RYR1: variants seen among roughly 807,000 people sequenced by gnomAD.
RYR1 encodes the protein ryanodine receptor 1.
A neutral mutation model predicts 583.5 loss-of-function variants in RYR1; 342 were observed. The ratio of observed to expected loss-of-function variants is 0.59; its 90% CI spans 0.54 to 0.64. The LOEUF is 0.64. RYR1 is among the 30% of genes least tolerant of loss of function. The pLI, the probability that RYR1 is intolerant of heterozygous loss-of-function variation, is 0.00. For missense variants in RYR1, 6,032 were observed against 6,917.2 expected (o/e 0.87, Z 4.54); for synonymous variants, 2,791 against 2,822.5 (o/e 0.99, Z 0.35).
At chr19:38,535,432 G>T (rs1373346146) in intron 81 of RYR1, 40 bp downstream of exon 81, 1 of 1,470,958 alleles carries the variant, frequency 6.8e-7, no homozygotes, top group East Asian at 2.3e-5. Flanking sequence ...GCTGTGTTTG[G>T]TGCCACTGCC....
chr19:38,563,517 G>A (rs4802608), intron 90 of RYR1, among the ~76,000 whole-genome samples: 3,016 of 152,250 alleles, frequency 0.02, 81 homozygotes, highest in Admixed American at 0.072. Context: ...CGCCCGCCTC[G>A]GCCTCCCAAA....
chr19:38,456,851 C>A (rs1482848167), intron 16 of RYR1, among the ~76,000 whole-genome samples: 1 of 151,118 alleles, frequency 6.6e-6, no homozygotes, highest in Non-Finnish European at 1.5e-5. Context: ...TCGAGACCAT[C>A]CTGGCTAATG....
chr19:38,558,853 G>A (rs1972996150), intron 89 of RYR1, among the ~76,000 whole-genome samples: 1 of 151,806 alleles, frequency 6.6e-6, no homozygotes, highest in South Asian at 2.1e-4. Flanking sequence ...CACTTTGGGA[G>A]GCCCAGGCAG....
chr19:38,555,716 T>G (rs1273075639), intron 89 of RYR1, among the ~76,000 whole-genome samples: 4 of 152,176 alleles, frequency 2.6e-5, no homozygotes, highest in Admixed American at 6.6e-5. Context: ...CCCATTGCAA[T>G]TGGCTGATAC....
chr19:38,434,505 C>A (rs999119923), intron 1 of RYR1, among the ~76,000 whole-genome samples: 1 of 152,156 alleles, frequency 6.6e-6, no homozygotes, highest in African/African-American at 2.4e-5. Flanking sequence ...ATGTCTCTGT[C>A]TCTTCCTCCA....
intron 1 of RYR1, among the ~76,000 whole-genome samples, chr19:38,440,544 T>TA (rs931138249): frequency 5.3e-5 from 8 of 151,994 alleles, no homozygotes; most frequent in Non-Finnish European, 1.2e-4. Context: ...AATAAATAAA[T>TA]AATAAAAAAT....
At chr19:38,445,146 C>G (rs1006080885) in intron 7 of RYR1, among the ~76,000 whole-genome samples, 47 of 139,068 alleles carry the variant, frequency 3.4e-4, no homozygotes, top group African/African-American at 1.2e-3. Flanking sequence ...ATCCCACCTA[C>G]TCAGGAGGGT....
intron 60 of RYR1, 144 bp downstream of exon 60, chr19:38,510,925 T>C (rs1970698356): frequency 7.9e-7 from 1 of 1,258,188 alleles, no homozygotes; most frequent in Admixed American, 2.0e-5. Context: ...GCCATCCTAG[T>C]GTACCCGGGA....
At chr19:38,463,129 C>T (rs1355234756) in intron 20 of RYR1, among the ~76,000 whole-genome samples, 2 of 116,930 alleles carry the variant, frequency 1.7e-5, no homozygotes, top group Non-Finnish European at 3.6e-5. Context: ...AACTCCTGAC[C>T]TCAGGCGATC....
At chr19:38,535,900 C>A in intron 81 of RYR1, 97 bp from the exon 82 acceptor site, 1 of 1,057,854 alleles carries the variant, frequency 9.5e-7, no homozygotes, top group Non-Finnish European at 1.4e-6. Context: ...TTTACTGTGG[C>A]TCTCCAGGCT....
intron 58 of RYR1, 85 bp downstream of exon 58, chr19:38,507,912 T>G (rs1970551575): frequency 1.2e-6 from 1 of 811,130 alleles, no homozygotes; most frequent in Non-Finnish European, 2.2e-6. Flanking sequence ...CACCTGTTCA[T>G]GCACTCAATC....
chr19:38,537,086 A>G, intron 83 of RYR1: 1 of 486,702 alleles, frequency 2.1e-6, no homozygotes, highest in East Asian at 3.7e-5. Context: ...GGACTTCCAG[A>G]CCCAGATTCG....
chr19:38,505,262 T>TC, intron 52 of RYR1, 47 bp from the exon 53 acceptor site: 5 of 1,399,958 alleles, frequency 3.6e-6, no homozygotes, highest in Non-Finnish European at 5.0e-6. Context: ...GCCCCGTGTG[T>TC]CCCCAACTGC....
chr19:38,539,848 A>T (rs1047176362), intron 84 of RYR1, among the ~76,000 whole-genome samples: 2 of 151,948 alleles, frequency 1.3e-5, no homozygotes, highest in Non-Finnish European at 2.9e-5. Context: ...AGTTGCCAGA[A>T]TTTTTTTTAC....
At chr19:38,522,947 C>T (rs1568534491) in intron 67 of RYR1, 81 bp from the exon 68 acceptor site, 11 of 1,120,582 alleles carry the variant, frequency 9.8e-6, no homozygotes, top group South Asian at 8.0e-5. Context: ...GTCCCCATCT[C>T]CTCCTCCAAG....
chr19:38,562,855 T>C (rs1317331583), intron 90 of RYR1, among the ~76,000 whole-genome samples: 1 of 152,100 alleles, frequency 6.6e-6, no homozygotes, highest in Non-Finnish European at 1.5e-5. Flanking sequence ...TCCTGATCCC[T>C]CCCTGGCCCC....
At chr19:38,522,936 G>T in intron 67 of RYR1, 92 bp from the exon 68 acceptor site, 1 of 1,000,020 alleles carries the variant, frequency 1.0e-6, no homozygotes, top group Non-Finnish European at 1.5e-6. Flanking sequence ...GATGTCTCCT[G>T]GTCCCCATCT....
rs777008643 is a variant in RYR1, at chr19:38,473,580, G to A, written c.3969G>A (p.Arg1323=). 3.1e-6 allele frequency: 5 copies of A among 1,593,114 alleles called. No individual in the cohort carries two copies. In the South Asian group the frequency reaches 5.6e-5, roughly 18 times the overall value. Residue 1323 remains arginine (R), a synonymous_variant, in exon 28 of 106, where the codon CGG becomes CGA. Coordinates refer to ENST00000359596, the MANE Select transcript of RYR1 (RefSeq NM_000540.3). The part of the protein sequence containing the change: ...GLQPPAEDEA[R]AAEPDPDYEN... ...AGCCCCCCGCCGAGGACGAGGCCCG[G>A]GCGGCGGAACCCGACCCTGACTACG...
rs746571631 is a variant in RYR1, at chr19:38,505,798, C to T, written c.8401-8C>T. 65 of 1,613,980 alleles carry T rather than the reference C, an allele frequency of 4.0e-5. No homozygotes were observed. Among genetic ancestry groups the T allele is most frequent in the Non-Finnish European group, 5.0e-5 (59 of 1,180,030 alleles). ...TCCACCAACTCCCCACCCTCCTGTC[C>T]ACCCCAGGACAAAGAGATTTACCGC... On this transcript the variant is annotated splice_region_variant and splice_polypyrimidine_tract_variant and intron_variant, in intron 53 of 105. Coordinates refer to ENST00000359596, the MANE Select transcript of RYR1 (RefSeq NM_000540.3).
Sources: gnomAD v4.1 joint callset for allele counts (sites outside exome capture counted in the v4.1 genomes callset) on GRCh38, gnomAD v4.1.1 for gene constraint, MANE v1.5 for transcripts, NCBI Gene and HGNC (gene_info 2026-07-23, HGNC 2026-07-21) for gene names.